The following CHSY3 variants were observed in gnomAD, a reference collection of about 807,000 sequenced individuals.
The protein encoded by CHSY3 is N-acetylgalactosaminyl-proteoglycan 3-beta-glucuronosyltransferase 3.
Under a neutral mutation model 67.2 loss-of-function variants are expected in CHSY3, and 35 were observed. That is an observed-to-expected ratio of 0.52 (90% CI 0.40 to 0.69). The LOEUF (loss-of-function observed/expected upper bound fraction) is 0.69, where lower values mean the gene tolerates loss of function less well. CHSY3 is among the 30% of genes least tolerant of loss of function. The pLI is 0.00. For synonymous variants in CHSY3, 474 were observed against 434.7 expected, an observed-to-expected ratio of 1.09 and a Z score of -1.12; for missense variants, 1,069 against 1,138.5, an observed-to-expected ratio of 0.94 and a Z score of 0.88.
chr5:130,055,121 G>A (rs922545011), intron 2 of CHSY3, among the ~76,000 whole-genome samples: 9 of 152,050 alleles, frequency 5.9e-5, no homozygotes, highest in Non-Finnish European at 1.2e-4. Context: ...AGGGATTTTT[G>A]ATAGGAAAAT....
At chr5:130,004,802 C>G (rs553701308) in intron 2 of CHSY3, among the ~76,000 whole-genome samples, 6 of 152,102 alleles carry the variant, frequency 3.9e-5, no homozygotes, top group Admixed American at 2.0e-4. Context: ...ATGAGTAGAC[C>G]TGTCACTTTA....
At chr5:130,022,323 T>C (rs1198896509) in intron 2 of CHSY3, among the ~76,000 whole-genome samples, 1 of 152,062 alleles carries the variant, frequency 6.6e-6, no homozygotes, top group African/African-American at 2.4e-5. Flanking sequence ...ATTAACTACA[T>C]GATGTTAGTA....
intron 2 of CHSY3, among the ~76,000 whole-genome samples, chr5:130,040,326 C>A (rs1424518335): frequency 1.3e-5 from 2 of 152,132 alleles, no homozygotes; most frequent in Non-Finnish European, 2.9e-5. Context: ...CTTTGTCCAG[C>A]CGTGAGCTTC....
At chr5:130,150,352 T>C (rs1399498777) in intron 2 of CHSY3, among the ~76,000 whole-genome samples, 1 of 152,156 alleles carries the variant, frequency 6.6e-6, no homozygotes. Context: ...CAACAAGTAA[T>C]ATCTAGCCAC....
At chr5:130,143,756 A>ATATATATATATATATATATGTGTG (rs1433405052) in intron 2 of CHSY3, among the ~76,000 whole-genome samples, 1 of 101,938 alleles carries the variant, frequency 9.8e-6, no homozygotes, top group African/African-American at 4.8e-5. Flanking sequence ...ATATATATAT[A>ATATATATATATATATATATGTGTG]TGTGTGTGTG....
intron 2 of CHSY3, among the ~76,000 whole-genome samples, chr5:130,071,335 G>A (rs1284477083): frequency 6.6e-6 from 1 of 151,966 alleles, no homozygotes; most frequent in Non-Finnish European, 1.5e-5. Context: ...GAAAATGAAG[G>A]TTTCACATGC....
chr5:130,176,757 T>C (rs970494202), intron 2 of CHSY3, among the ~76,000 whole-genome samples: 2 of 151,846 alleles, frequency 1.3e-5, no homozygotes, highest in Non-Finnish European at 2.9e-5. Flanking sequence ...AAACCAAACA[T>C]TGCATGTTCT....
At chr5:130,182,969 G>GT (rs901755851) in intron 2 of CHSY3, among the ~76,000 whole-genome samples, 2 of 149,860 alleles carry the variant, frequency 1.3e-5, no homozygotes, top group Middle Eastern at 3.2e-3. Context: ...TGAAGAGGCT[G>GT]TTTTTTTAAA....
At chr5:130,042,717 C>A (rs1765039515) in intron 2 of CHSY3, among the ~76,000 whole-genome samples, 1 of 151,978 alleles carries the variant, frequency 6.6e-6, no homozygotes, top group Non-Finnish European at 1.5e-5. Flanking sequence ...ACAGTTATTA[C>A]CTACCAAAGT....
chr5:130,043,260 A>G (rs950380517), intron 2 of CHSY3, among the ~76,000 whole-genome samples: 4 of 151,808 alleles, frequency 2.6e-5, no homozygotes, highest in Non-Finnish European at 5.9e-5. Flanking sequence ...TAGATATTTT[A>G]TCTTTTCATT....
At position 130,180,479 on chromosome 5, in the gene CHSY3, C is replaced by T. The variant is rs1770211443; in HGVS notation, c.1087-3750C>T. 2.0e-5 allele frequency among the ~76,000 whole-genome samples: 3 copies of T among 152,168 alleles called. 1 individual carries two copies. In the South Asian group the frequency reaches 6.2e-4, roughly 32 times the overall value. ...TAGTTTTACAAATTTTCCATTGCTC[C>T]AAAAGTTACCTTGTGCCTATTAGTA... On this transcript the variant is annotated intron_variant, in intron 2 of 2. Coordinates refer to ENST00000305031, the MANE Select transcript of CHSY3 (RefSeq NM_175856.5).
intron 2 of CHSY3, among the ~76,000 whole-genome samples, chr5:130,153,241 T>G (rs1390032718): frequency 6.6e-6 from 1 of 151,858 alleles, no homozygotes; most frequent in African/African-American, 2.4e-5. Flanking sequence ...AGCAAGACTC[T>G]AAAATAAAAT....
At chr5:129,907,990 A>T (rs185568538) in intron 1 of CHSY3, 87 bp from the exon 2 acceptor site, 5 of 1,509,688 alleles carry the variant, frequency 3.3e-6, no homozygotes, top group Non-Finnish European at 4.4e-6. Flanking sequence ...TTTTAAGCAC[A>T]ATGTTGAAAG....
intron 2 of CHSY3, among the ~76,000 whole-genome samples, chr5:130,077,578 C>G (rs188582904): frequency 2.2e-4 from 33 of 152,112 alleles, no homozygotes; most frequent in Admixed American, 5.9e-4. Flanking sequence ...TTTCAGCAAG[C>G]TAACGAGGAA....
chr5:129,932,794 TCTTA>T (rs1460305035), intron 2 of CHSY3, among the ~76,000 whole-genome samples: 1 of 152,028 alleles, frequency 6.6e-6, no homozygotes, highest in African/African-American at 2.4e-5. Context: ...TTTCTAAGGC[TCTTA>T]CTTTGTTTTC....
intron 2 of CHSY3, among the ~76,000 whole-genome samples, chr5:130,111,327 C>A (rs1307290700): frequency 6.6e-6 from 1 of 152,018 alleles, no homozygotes; most frequent in East Asian, 1.9e-4. Flanking sequence ...GTTTAAAATT[C>A]TTTTCACATT....
chr5:130,154,066 G>A (rs565634496), intron 2 of CHSY3, among the ~76,000 whole-genome samples: 3 of 152,064 alleles, frequency 2.0e-5, no homozygotes, highest in East Asian at 3.9e-4. Flanking sequence ...ACAGGTGCAC[G>A]CCACCACACC....
chr5:130,100,252 G>T (rs1210089251), intron 2 of CHSY3, among the ~76,000 whole-genome samples: 1 of 151,976 alleles, frequency 6.6e-6, no homozygotes, highest in African/African-American at 2.4e-5. Context: ...CGCGATCTCC[G>T]CTCACTGCAA....
intron 2 of CHSY3, among the ~76,000 whole-genome samples, chr5:130,099,337 G>T (rs1435909440): frequency 6.6e-6 from 1 of 152,158 alleles, no homozygotes; most frequent in African/African-American, 2.4e-5. Flanking sequence ...CCTTTGATAT[G>T]CTGGTAGCAA....
Sources: allele counts gnomAD v4.1 joint callset (sites outside exome capture counted in the v4.1 genomes callset), GRCh38; gene constraint gnomAD v4.1.1; transcripts MANE v1.5; gene names NCBI Gene and HGNC (gene_info 2026-07-23, HGNC 2026-07-21).